The following ROBO2 variants were observed in gnomAD, a reference collection of about 807,000 sequenced individuals.
ROBO2 encodes the protein roundabout guidance receptor 2, also known as roundabout homolog 2.
In ROBO2, 53 loss-of-function variants were observed where a neutral mutation model predicts 160.8. That is an observed-to-expected ratio of 0.33 (90% confidence interval 0.26 to 0.41). The LOEUF (loss-of-function observed/expected upper bound fraction) is 0.41. Ranked by LOEUF, ROBO2 falls within the 10% of genes least tolerant of loss-of-function variation. The pLI is 1.00. For missense variants in ROBO2, 1,577 were observed against 1,722.4 expected, an observed-to-expected ratio of 0.92 and a Z score of 1.49; for synonymous variants, 664 against 611.7, an observed-to-expected ratio of 1.09 and a Z score of -1.26.
At chr3:77,052,402 G>T (rs1467365387) in intron 1 of ROBO2, among the ~76,000 whole-genome samples, 1 of 152,124 alleles carries the variant, frequency 6.6e-6, no homozygotes, top group Non-Finnish European at 1.5e-5. Context: ...TATTCATGGG[G>T]CCACATTAGT....
intron 2 of ROBO2, among the ~76,000 whole-genome samples, chr3:76,751,526 A>G (rs2060648599): frequency 6.6e-6 from 1 of 152,162 alleles, no homozygotes; most frequent in Non-Finnish European, 1.5e-5. Flanking sequence ...AATGGGAGAA[A>G]ATGTTTGCAA....
chr3:75,935,355 T>TA (rs1252359737), intron 1 of ROBO2, among the ~76,000 whole-genome samples: 1 of 151,860 alleles, frequency 6.6e-6, no homozygotes, highest in Non-Finnish European at 1.5e-5. Flanking sequence ...CCTATCTCTA[T>TA]AAAAAAATTA....
intron 5 of ROBO2, among the ~76,000 whole-genome samples, chr3:77,503,307 C>T (rs1481193596): frequency 6.6e-6 from 1 of 151,376 alleles, no homozygotes; most frequent in Non-Finnish European, 1.5e-5. Context: ...GGGCAGATCA[C>T]GAGGTCAGGA....
intron 2 of ROBO2, among the ~76,000 whole-genome samples, chr3:77,157,409 A>C (rs1560127383): frequency 2.6e-5 from 4 of 152,090 alleles, no homozygotes; most frequent in Admixed American, 2.6e-4. Context: ...ATTTTACTTC[A>C]TTATGGCAGC....
At chr3:76,780,888 G>A (rs1357305369) in intron 2 of ROBO2, among the ~76,000 whole-genome samples, 1 of 149,420 alleles carries the variant, frequency 6.7e-6, no homozygotes, top group Non-Finnish European at 1.5e-5. Context: ...AGAGTGCTTT[G>A]GTTATTCAGT....
chr3:76,988,019 A>G (rs2060478048), intron 2 of ROBO2, among the ~76,000 whole-genome samples: 1 of 152,208 alleles, frequency 6.6e-6, no homozygotes, highest in Non-Finnish European at 1.5e-5. Context: ...CTGTTAAAAT[A>G]CATGTATATA....
intron 2 of ROBO2, among the ~76,000 whole-genome samples, chr3:77,372,602 T>C (rs1294854152): frequency 4.6e-5 from 7 of 152,136 alleles, no homozygotes; most frequent in Non-Finnish European, 1.0e-4. Flanking sequence ...CTACCAACTT[T>C]GTAAGAAAGA....
At chr3:77,208,160 A>T (rs1419928600) in intron 2 of ROBO2, among the ~76,000 whole-genome samples, 2 of 152,166 alleles carry the variant, frequency 1.3e-5, no homozygotes, top group Non-Finnish European at 2.9e-5. Context: ...TGATCAGGAA[A>T]TTTATTCATT....
At chr3:76,692,899 CTATA>C (rs1241101845) in intron 2 of ROBO2, among the ~76,000 whole-genome samples, 1 of 150,534 alleles carries the variant, frequency 6.6e-6, no homozygotes, top group Non-Finnish European at 1.5e-5. Flanking sequence ...CTCTCTCTCT[CTATA>C]TATATAGTGT....
intron 2 of ROBO2, among the ~76,000 whole-genome samples, chr3:76,772,715 T>A (rs1359679409): frequency 1.3e-5 from 2 of 151,098 alleles, no homozygotes; most frequent in Non-Finnish European, 3.0e-5. Flanking sequence ...CATCATGGCA[T>A]GGTCATTTGC....
At position 76,252,154 on chromosome 3, in the gene ROBO2, G is replaced by GA. The variant is rs1245787927; in HGVS notation, c.109+314558dup. Among the ~76,000 whole-genome samples the GA allele has an allele frequency of 2.0e-5, 3 of 152,006 alleles. No individual in the cohort carries two copies. The South Asian group carries it at 6.2e-4, about 32-fold the overall frequency. On this transcript the variant is annotated intron_variant, in intron 2 of 26. Coordinates refer to the ROBO2 transcript ENST00000487694. ...TATTTTAATACCAAATTTAATCACT[G>GA]AAAAAATACATGTGTTAAAGTGAGT...
chr3:76,715,650 A>G (rs2093367483), intron 2 of ROBO2, among the ~76,000 whole-genome samples: 2 of 152,190 alleles, frequency 1.3e-5, no homozygotes, highest in South Asian at 2.1e-4. Flanking sequence ...GCAATAAACT[A>G]CTAAAGGTCA....
intron 1 of ROBO2, among the ~76,000 whole-genome samples, chr3:75,927,736 A>T (rs1439132053): frequency 1.3e-5 from 2 of 152,216 alleles, no homozygotes; most frequent in Admixed American, 1.3e-4. Context: ...ATACAGATTG[A>T]TTACTTAGAC....
At chr3:77,558,657 C>A (rs969549229) in intron 9 of ROBO2, among the ~76,000 whole-genome samples, 3 of 151,972 alleles carry the variant, frequency 2.0e-5, no homozygotes, top group Non-Finnish European at 4.4e-5. Flanking sequence ...TAGATTTAAA[C>A]CCATGGAAAG....
intron 2 of ROBO2, among the ~76,000 whole-genome samples, chr3:76,232,656 A>G (rs951559549): frequency 5.3e-5 from 8 of 152,200 alleles, no homozygotes; most frequent in African/African-American, 1.7e-4. Flanking sequence ...CAGTAATTCC[A>G]TCTTAACAGT....
intron 6 of ROBO2, among the ~76,000 whole-genome samples, chr3:77,534,344 A>T (rs567591110): frequency 6.6e-6 from 1 of 152,154 alleles, no homozygotes; most frequent in East Asian, 1.9e-4. Flanking sequence ...AGTACTTAAA[A>T]TTAAAGTACT....
At chr3:76,873,600 C>CGTA (rs572771816) in intron 2 of ROBO2, among the ~76,000 whole-genome samples, 7 of 151,648 alleles carry the variant, frequency 4.6e-5, no homozygotes, top group Admixed American at 4.6e-4. Flanking sequence ...TTGTCGTCGT[C>CGTA]GTAGTAGTAG....
chr3:76,713,038 C>G (rs2093324733), intron 2 of ROBO2, among the ~76,000 whole-genome samples: 1 of 152,172 alleles, frequency 6.6e-6, no homozygotes, highest in Non-Finnish European at 1.5e-5. Context: ...GCCATAAAGG[C>G]ACTCAATAAG....
At chr3:76,175,970 A>T (rs2107052298) in intron 2 of ROBO2, among the ~76,000 whole-genome samples, 1 of 152,054 alleles carries the variant, frequency 6.6e-6, no homozygotes, top group South Asian at 2.1e-4. Flanking sequence ...CTCAGCCAGA[A>T]TTTTTTATTT....
Sources: allele counts gnomAD v4.1 joint callset (sites outside exome capture counted in the v4.1 genomes callset), GRCh38; gene constraint gnomAD v4.1.1; transcripts MANE v1.5; gene names NCBI Gene and HGNC (gene_info 2026-07-23, HGNC 2026-07-21).